Variants in WDPCP observed in about 807,000 individuals in gnomAD.
WDPCP encodes WD repeat containing planar cell polarity effector, also known as WD repeat-containing and planar cell polarity effector protein fritz homolog.
Under a neutral mutation model 93.1 loss-of-function variants are expected in WDPCP, and 71 were observed. The observed-to-expected ratio is 0.76, with a 90% CI of 0.63 to 0.93. The LOEUF is 0.93. Among genes scored for constraint, WDPCP ranks in the 40% least tolerant of loss-of-function variants. The pLI is 0.00. For missense variants in WDPCP, 844 were observed against 887.4 expected, an observed-to-expected ratio of 0.95 and a Z score of 0.62; for synonymous variants, 315 against 315.0, an observed-to-expected ratio of 1.00 and a Z score of 0.00.
chr2:63,372,139 A>C (rs1413734128), intron 12 of WDPCP, among the ~76,000 whole-genome samples: 1 of 152,160 alleles, frequency 6.6e-6, no homozygotes, highest in African/African-American at 2.4e-5. Context: ...CATGGCAAGA[A>C]CTGGAGCAAG....
rs1307151704 is a variant in WDPCP at position 63,696,669 on chromosome 2, T to C, written n.309-45831A>G. On this transcript the variant is annotated intron_variant and non_coding_transcript_variant, in intron 2 of 4. Coordinates refer to the WDPCP transcript ENST00000467687. ...GCCCACGTGGCTGAGACACCCATGGTAGCAATTGGGTAATTGGGTAAAGAG... is the reference window on the plus strand; with the variant it reads ...GCCCACGTGGCTGAGACACCCATGGCAGCAATTGGGTAATTGGGTAAAGAG... Among the ~76,000 whole-genome samples, 3 of 152,152 alleles carry C rather than the reference T, an allele frequency of 2.0e-5. No individual in the cohort carries two copies. The East Asian group carries it at 5.8e-4, about 29-fold the overall frequency.
At chr2:63,138,956 GT>G (rs1174041812) in intron 17 of WDPCP, among the ~76,000 whole-genome samples, 1 of 151,842 alleles carries the variant, frequency 6.6e-6, no homozygotes, top group African/African-American at 2.4e-5. Context: ...ACGATGTTTG[GT>G]TTCCATTCCT....
intron 12 of WDPCP, 107 bp from the exon 13 acceptor site, chr2:63,313,418 GGA>G: frequency 4.4e-6 from 5 of 1,134,082 alleles, no homozygotes; most frequent in Non-Finnish European, 6.4e-6. Flanking sequence ...CCTTCTGATT[GGA>G]AAAATATTTT....
At chr2:63,545,336 T>TGA (rs371799461) in intron 1 of WDPCP, among the ~76,000 whole-genome samples, 31 of 148,604 alleles carry the variant, frequency 2.1e-4, no homozygotes, top group East Asian at 1.2e-3. Context: ...TGTGTGTGTG[T>TGA]GAGAGAGAGA....
intron 15 of WDPCP, among the ~76,000 whole-genome samples, chr2:63,156,046 C>T (rs2103848111): frequency 6.6e-6 from 1 of 152,288 alleles, no homozygotes; most frequent in East Asian, 1.9e-4. Context: ...GTTGCTCAGA[C>T]TGGAGAGCAG....
At chr2:63,646,418 CTT>C (rs941808181) in intron 3 of WDPCP, among the ~76,000 whole-genome samples, 17 of 152,042 alleles carry the variant, frequency 1.1e-4, no homozygotes, top group African/African-American at 4.1e-4. Flanking sequence ...AATGTTTTAA[CTT>C]AAGAGTAGTT....
At chr2:63,460,771 T>C (rs188711837) in intron 6 of WDPCP, among the ~76,000 whole-genome samples, 107 of 152,040 alleles carry the variant, frequency 7.0e-4, no homozygotes, top group African/African-American at 2.4e-3. Context: ...GGACTACAGG[T>C]GCCTGCCACC....
intron 1 of WDPCP, among the ~76,000 whole-genome samples, chr2:63,581,528 T>C (rs1478689880): frequency 3.3e-5 from 5 of 152,142 alleles, no homozygotes; most frequent in African/African-American, 4.8e-5. Context: ...TTCACAGTCA[T>C]TGGGTAGAGT....
intron 12 of WDPCP, among the ~76,000 whole-genome samples, chr2:63,336,437 T>G (rs993821174): frequency 6.6e-6 from 1 of 152,206 alleles, no homozygotes; most frequent in African/African-American, 2.4e-5. Context: ...TTGTTCCCAA[T>G]CTTAGGCGGA....
chr2:63,356,236 A>G (rs1690013920), intron 12 of WDPCP, among the ~76,000 whole-genome samples: 1 of 152,340 alleles, frequency 6.6e-6, no homozygotes, highest in African/African-American at 2.4e-5. Flanking sequence ...AACTATCCTC[A>G]ATATATATGA....
intron 2 of WDPCP, among the ~76,000 whole-genome samples, chr2:63,804,894 G>A (rs1442661429): frequency 6.6e-6 from 1 of 151,964 alleles, no homozygotes; most frequent in Non-Finnish European, 1.5e-5. Flanking sequence ...CTGGCTTGGT[G>A]GTGGGTGCCT....
At chr2:63,690,400 C>T (rs1668873115) in intron 2 of WDPCP, among the ~76,000 whole-genome samples, 1 of 152,084 alleles carries the variant, frequency 6.6e-6, no homozygotes, top group African/African-American at 2.4e-5. Flanking sequence ...TTTTTTCACA[C>T]CATCCCAGTA....
chr2:63,190,550 A>C (rs981486714), intron 14 of WDPCP, among the ~76,000 whole-genome samples: 2 of 152,090 alleles, frequency 1.3e-5, no homozygotes, highest in Non-Finnish European at 2.9e-5. Context: ...TATAAAATGA[A>C]AGTAAGATCC....
At chr2:63,199,119 G>A (rs936451882) in intron 14 of WDPCP, among the ~76,000 whole-genome samples, 1 of 152,164 alleles carries the variant, frequency 6.6e-6, no homozygotes, top group African/African-American at 2.4e-5. Context: ...AAGCATTCAA[G>A]GTTTGGCCCA....
At chr2:63,181,319 A>G (rs1214303912) in intron 14 of WDPCP, among the ~76,000 whole-genome samples, 1 of 152,094 alleles carries the variant, frequency 6.6e-6, no homozygotes, top group East Asian at 1.9e-4. Context: ...TAGTATTTTT[A>G]TAGTTTCAGG....
chr2:63,241,970 GGTAAT>G (rs1679892338), intron 14 of WDPCP, among the ~76,000 whole-genome samples: 1 of 152,012 alleles, frequency 6.6e-6, no homozygotes, highest in Non-Finnish European at 1.5e-5. Context: ...AAAATGACAT[GGTAAT>G]GTAGTGATGA....
chr2:63,779,880 A>C (rs987982372), intron 2 of WDPCP, among the ~76,000 whole-genome samples: 3 of 152,238 alleles, frequency 2.0e-5, no homozygotes, highest in African/African-American at 7.2e-5. Context: ...TTTGTGATAC[A>C]TAAGATCTAA....
chr2:63,666,767 C>A (rs1710287940), intron 2 of WDPCP, among the ~76,000 whole-genome samples: 1 of 152,116 alleles, frequency 6.6e-6, no homozygotes, highest in Non-Finnish European at 1.5e-5. Flanking sequence ...AAATGCTGAA[C>A]GTGTCGGAAC....
At chr2:63,781,119 C>A (rs1467877664) in intron 2 of WDPCP, among the ~76,000 whole-genome samples, 2 of 152,128 alleles carry the variant, frequency 1.3e-5, no homozygotes, top group Non-Finnish European at 1.5e-5. Context: ...CTATTTCCCC[C>A]CACTCTGTAT....
Sources: gnomAD v4.1 joint callset for allele counts (sites outside exome capture counted in the v4.1 genomes callset) on GRCh38, gnomAD v4.1.1 for gene constraint, MANE v1.5 for transcripts, NCBI Gene and HGNC (gene_info 2026-07-23, HGNC 2026-07-21) for gene names.